Variants in NFYC observed in about 807,000 individuals in gnomAD.
NFYC encodes CAAT box DNA-binding protein subunit C.
A neutral mutation model predicts 53.1 loss-of-function variants in NFYC; 25 were observed. The observed-to-expected ratio is 0.47, with a 90% CI of 0.34 to 0.66. The LOEUF (loss-of-function observed/expected upper bound fraction) is 0.66, where lower values mean the gene tolerates loss of function less well. Among genes scored for constraint, NFYC ranks in the 30% least tolerant of loss-of-function variants. The pLI is 0.01. For missense variants in NFYC, 260 were observed against 422.7 expected, an observed-to-expected ratio of 0.62 and a Z score of 3.38; for synonymous variants, 145 against 152.6, an observed-to-expected ratio of 0.95 and a Z score of 0.37.
intron 6 of NFYC, among the ~76,000 whole-genome samples, chr1:40,759,604 A>G (rs905043014): frequency 2.0e-5 from 3 of 151,370 alleles, no homozygotes; most frequent in African/African-American, 7.3e-5. Context: ...ATATGTGTGT[A>G]TATATATGTA....
intron 8 of NFYC, chr1:40,766,930 G>T: frequency 6.4e-7 from 1 of 1,552,202 alleles, no homozygotes; most frequent in Non-Finnish European, 8.7e-7. Flanking sequence ...GCAAAGAAAT[G>T]CAAGTCAGGG....
chr1:40,750,400 G>A (rs1241282303), intron 4 of NFYC, among the ~76,000 whole-genome samples: 1 of 152,120 alleles, frequency 6.6e-6, no homozygotes, highest in African/African-American at 2.4e-5. Context: ...GAAAATGCAT[G>A]TGTTTATTCA....
At chr1:40,755,947 A>G (rs1417167261) in intron 5 of NFYC, among the ~76,000 whole-genome samples, 1 of 151,878 alleles carries the variant, frequency 6.6e-6, no homozygotes, top group South Asian at 2.1e-4. Context: ...GTAGTTGGGG[A>G]TAACTGGAGA....
chr1:40,716,113 CTTCCT>C (rs1246219633), intron 1 of NFYC, among the ~76,000 whole-genome samples: 2 of 152,334 alleles, frequency 1.3e-5, no homozygotes, highest in East Asian at 3.9e-4. Flanking sequence ...GCTTTTTACA[CTTCCT>C]TTCATCAATT....
intron 2 of NFYC, among the ~76,000 whole-genome samples, chr1:40,746,129 T>C (rs188065701): frequency 6.6e-6 from 1 of 152,244 alleles, no homozygotes; most frequent in African/African-American, 2.4e-5. Flanking sequence ...CGCTACTGTT[T>C]CCTTTTGTTG....
intron 1 of NFYC, among the ~76,000 whole-genome samples, chr1:40,737,385 ATGGCGTGATCT>A (rs1645091654): frequency 6.7e-6 from 1 of 149,824 alleles, no homozygotes; most frequent in Admixed American, 6.6e-5. Context: ...CTGGAGTGCA[ATGGCGTGATCT>A]TGGCTCACTG....
chr1:40,752,623 ATGG>A (rs760108010), intron 4 of NFYC, among the ~76,000 whole-genome samples: 1 of 152,040 alleles, frequency 6.6e-6, no homozygotes, highest in Non-Finnish European at 1.5e-5. Flanking sequence ...TGATAAACCC[ATGG>A]TTTAAGTATT....
intron 1 of NFYC, chr1:40,735,719 T>C: frequency 1.0e-6 from 1 of 985,466 alleles, no homozygotes; most frequent in Non-Finnish European, 1.2e-6. Flanking sequence ...TGTGCCAAGA[T>C]GAGGCCTGTC....
At chr1:40,733,126 A>G (rs1376792538) in intron 1 of NFYC, among the ~76,000 whole-genome samples, 1 of 149,562 alleles carries the variant, frequency 6.7e-6, no homozygotes, top group Non-Finnish European at 1.5e-5. Flanking sequence ...ATCCAGAGAG[A>G]TGAATCATAT....
chr1:40,706,733 A>G (rs1296765760), intron 1 of NFYC, among the ~76,000 whole-genome samples: 1 of 152,200 alleles, frequency 6.6e-6, no homozygotes, highest in Non-Finnish European at 1.5e-5. Context: ...TAAAAAACCG[A>G]AGCAGTTGGT....
chr1:40,700,665 T>C (rs553980406), intron 1 of NFYC, among the ~76,000 whole-genome samples: 3 of 152,182 alleles, frequency 2.0e-5, no homozygotes, highest in African/African-American at 7.2e-5. Flanking sequence ...TTTTTTGAGA[T>C]GGAGTCTCAC....
chr1:40,734,218 C>T (rs1199277469), intron 1 of NFYC, among the ~76,000 whole-genome samples: 1 of 152,090 alleles, frequency 6.6e-6, no homozygotes, highest in Non-Finnish European at 1.5e-5. Flanking sequence ...CCTTATTATC[C>T]TAGAAGATGA....
At chr1:40,695,919 T>C (rs1643109621) in intron 1 of NFYC, among the ~76,000 whole-genome samples, 1 of 152,162 alleles carries the variant, frequency 6.6e-6, no homozygotes, top group South Asian at 2.1e-4. Context: ...GTAGATAATA[T>C]AGCCACCCTC....
chr1:40,746,718 TG>T (rs1198124480), intron 2 of NFYC, among the ~76,000 whole-genome samples: 3 of 152,238 alleles, frequency 2.0e-5, no homozygotes, highest in Non-Finnish European at 4.4e-5. Context: ...ATTGGGCATG[TG>T]TTTAAATACC....
intron 1 of NFYC, chr1:40,723,112 A>T (rs1644384884): frequency 6.6e-6 from 1 of 152,190 alleles, no homozygotes. Context: ...GGGTCAATTG[A>T]GGATGATGTA....
intron 5 of NFYC, among the ~76,000 whole-genome samples, chr1:40,753,453 T>C (rs1032051998): frequency 1.5e-4 from 23 of 152,182 alleles, no homozygotes; most frequent in East Asian, 9.6e-4. Context: ...TCAGTGAAAA[T>C]AGACAAAATG....
intron 1 of NFYC, among the ~76,000 whole-genome samples, chr1:40,720,628 AG>A (rs1644294005): frequency 6.6e-6 from 1 of 152,204 alleles, no homozygotes; most frequent in African/African-American, 2.4e-5. Flanking sequence ...GCACTTTGGC[AG>A]GCCAAAGTGA....
chr1:40,748,150 G>A (rs1645717370), intron 3 of NFYC, among the ~76,000 whole-genome samples: 1 of 151,646 alleles, frequency 6.6e-6, no homozygotes, highest in Non-Finnish European at 1.5e-5. Flanking sequence ...CTTTCTTTTT[G>A]AGACAGGGTC....
intron 4 of NFYC, among the ~76,000 whole-genome samples, chr1:40,751,391 G>A (rs1021977965): frequency 6.6e-6 from 1 of 152,156 alleles, no homozygotes; most frequent in African/African-American, 2.4e-5. Context: ...GAAAGGGCTA[G>A]AAGGAACTTT....
Sources: allele counts gnomAD v4.1 joint callset (sites outside exome capture counted in the v4.1 genomes callset), GRCh38; gene constraint gnomAD v4.1.1; transcripts MANE v1.5; gene names NCBI Gene and HGNC (gene_info 2026-07-23, HGNC 2026-07-21).